The following EXOC4 variants were observed in gnomAD, a reference collection of about 807,000 sequenced individuals.
EXOC4 encodes the protein SEC8-like 1.
A neutral mutation model predicts 107.2 loss-of-function variants in EXOC4; 71 were observed. The observed-to-expected ratio is 0.66, with a 90% CI of 0.55 to 0.81. The LOEUF (loss-of-function observed/expected upper bound fraction) is 0.81. Ranked by LOEUF, EXOC4 falls within the 30% of genes least tolerant of loss-of-function variation. The pLI is 0.00. For synonymous variants in EXOC4, 456 were observed against 441.2 expected, an observed-to-expected ratio of 1.03 and a Z score of -0.42; for missense variants, 1,108 against 1,189.6, an observed-to-expected ratio of 0.93 and a Z score of 1.01.
intron 7 of EXOC4, among the ~76,000 whole-genome samples, chr7:133,434,975 G>C (rs1797936288): frequency 2.0e-5 from 3 of 152,314 alleles, no homozygotes; most frequent in Non-Finnish European, 4.4e-5. Context: ...CTAGGAATCT[G>C]ATTTTCAGTG....
Position 133,688,027 on chromosome 7 carries a change from C to T in EXOC4, c.1514+57886C>T, listed in dbSNP as rs188376198. On this transcript the variant is annotated intron_variant, in intron 10 of 17. Coordinates refer to ENST00000253861, the MANE Select transcript of EXOC4 (RefSeq NM_021807.4). ...ATTAGAGAACATCTATATTTGCCTT[C>T]AAGCTCCCTTAAAATAGTTTAGGGA... Among the ~76,000 whole-genome samples, 27 of 152,292 alleles carry T rather than the reference C, an allele frequency of 1.8e-4. No individual in the cohort carries two copies. The East Asian group carries it at 4.8e-3, about 27-fold the overall frequency.
chr7:133,433,795 G>A (rs935012303), intron 7 of EXOC4, among the ~76,000 whole-genome samples: 21 of 152,166 alleles, frequency 1.4e-4, no homozygotes, highest in African/African-American at 4.6e-4. Context: ...AGGATTGAAA[G>A]CTCACTTTAA....
At chr7:133,844,378 C>CTTTTTTTTTTTTTTTTTTTTTTTT (rs761535651) in intron 11 of EXOC4, among the ~76,000 whole-genome samples, 2 of 83,392 alleles carry the variant, frequency 2.4e-5, no homozygotes, top group African/African-American at 1.2e-4. Flanking sequence ...CCACATATTC[C>CTTTTTTTTTTTTTTTTTTTTTTTT]TTTTTTTTTT....
rs1189343287 is a variant in EXOC4 at position 133,938,158 on chromosome 7, C to T, written c.2206+89C>T. ...AAAGATGAGAGTGTACACTGGTCACCGTATGGGGGCGTGTCCCAAGCTGTC... is the reference window on the plus strand; with the variant it reads ...AAAGATGAGAGTGTACACTGGTCACTGTATGGGGGCGTGTCCCAAGCTGTC... On this transcript the variant is annotated intron_variant, in intron 14 of 17. Coordinates refer to ENST00000253861, the MANE Select transcript of EXOC4 (RefSeq NM_021807.4). The T allele has an allele frequency of 1.0e-5, 13 of 1,269,390 alleles. No homozygotes were observed. The Admixed American group carries it at 1.2e-4, about 12-fold the overall frequency. 78.6% of individuals were successfully genotyped at this position (1,269,390 alleles called of 1,614,324 possible). A position where few individuals can be genotyped will look rare whatever the true frequency, so the allele number is the denominator to read the frequency against.
At chr7:133,406,873 G>T (rs2150739753) in intron 7 of EXOC4, among the ~76,000 whole-genome samples, 1 of 152,302 alleles carries the variant, frequency 6.6e-6, no homozygotes, top group African/African-American at 2.4e-5. Context: ...GAGAGTGAGA[G>T]GGGACAGTCC....
chr7:133,673,230 T>C (rs548092067), intron 10 of EXOC4, among the ~76,000 whole-genome samples: 1 of 152,130 alleles, frequency 6.6e-6, no homozygotes, highest in African/African-American at 2.4e-5. Flanking sequence ...CTTAAAGGAG[T>C]ACTTAAAGGG....
chr7:133,917,225 A>C (rs1799829863), intron 12 of EXOC4, among the ~76,000 whole-genome samples: 1 of 152,212 alleles, frequency 6.6e-6, no homozygotes, highest in South Asian at 2.1e-4. Flanking sequence ...GTCACTTAAT[A>C]GCATTCTTTT....
At chr7:134,058,644 C>T (rs1430231781) in intron 17 of EXOC4, among the ~76,000 whole-genome samples, 2 of 142,060 alleles carry the variant, frequency 1.4e-5, no homozygotes, top group Non-Finnish European at 3.0e-5. Context: ...TGAATCACCA[C>T]AATACTGGCT....
rs988075781 is a variant in EXOC4 at position 133,311,401 on chromosome 7, G to C, written c.656+5340G>C. 4.6e-5 allele frequency among the ~76,000 whole-genome samples: 7 copies of C among 152,132 alleles called. 1 individual carries two copies. The highest frequency in any genetic ancestry group is 1.7e-4 in the African/African-American group (7 of 41,428). ...AATAGAGTTGAGAAATAGACCCCAG[G>C]ATCTATAGACTTTAGTATTTTGAAC... On this transcript the variant is annotated intron_variant, in intron 4 of 17. Transcript: ENST00000253861.
chr7:134,050,999 A>G (rs1795771912), intron 17 of EXOC4, among the ~76,000 whole-genome samples: 1 of 152,124 alleles, frequency 6.6e-6, no homozygotes, highest in Non-Finnish European at 1.5e-5. Context: ...AATATGAAAG[A>G]TGTTGCATTG....
At chr7:133,446,728 A>C (rs951396302) in intron 7 of EXOC4, among the ~76,000 whole-genome samples, 1 of 152,222 alleles carries the variant, frequency 6.6e-6, no homozygotes, top group Non-Finnish European at 1.5e-5. Context: ...CTCATAGGTA[A>C]TTTCAGAAGC....
chr7:133,830,958 GT>G (rs1259128644), intron 11 of EXOC4, among the ~76,000 whole-genome samples: 1 of 151,180 alleles, frequency 6.6e-6, no homozygotes, highest in Admixed American at 6.6e-5. Flanking sequence ...GACCTTGACA[GT>G]TTTTTTGTTT....
At chr7:134,012,354 T>C (rs1794789823) in intron 17 of EXOC4, among the ~76,000 whole-genome samples, 1 of 152,126 alleles carries the variant, frequency 6.6e-6, no homozygotes, top group Non-Finnish European at 1.5e-5. Context: ...GATGGTAGCA[T>C]TGGAGAGGAT....
intron 14 of EXOC4, among the ~76,000 whole-genome samples, chr7:133,975,743 GTGCA>G (rs1344390057): frequency 3.9e-5 from 3 of 77,546 alleles, no homozygotes; most frequent in South Asian, 5.3e-4. Flanking sequence ...TAAAATGCGT[GTGCA>G]CACACACACA....
chr7:134,069,825 A>G (rs536261547), downstream of EXOC4, among the ~76,000 whole-genome samples: 2 of 152,242 alleles, frequency 1.3e-5, no homozygotes, highest in South Asian at 2.1e-4. Context: ...GCCTTTATGA[A>G]TGGACTGAGG....
At chr7:133,338,151 A>T (rs1795563390) in intron 5 of EXOC4, among the ~76,000 whole-genome samples, 1 of 151,798 alleles carries the variant, frequency 6.6e-6, no homozygotes, top group African/African-American at 2.4e-5. Context: ...ACTCTTAAAA[A>T]ATTTCGAGCT....
chr7:133,256,832 G>A (rs1795030305), intron 1 of EXOC4, among the ~76,000 whole-genome samples: 1 of 152,128 alleles, frequency 6.6e-6, no homozygotes. Context: ...GTGTAGGCAT[G>A]GGGAATATCC....
chr7:134,027,142 T>C (rs559819768), intron 17 of EXOC4, among the ~76,000 whole-genome samples: 1 of 152,324 alleles, frequency 6.6e-6, no homozygotes, highest in South Asian at 2.1e-4. Flanking sequence ...TGTTGTCCTT[T>C]GTCACTTTAA....
intron 10 of EXOC4, among the ~76,000 whole-genome samples, chr7:133,638,673 A>G (rs1220225086): frequency 1.3e-5 from 2 of 151,956 alleles, no homozygotes; most frequent in Non-Finnish European, 2.9e-5. Context: ...CATGTCCAGT[A>G]ACTGGTACGT....
Sources: allele counts gnomAD v4.1 joint callset (sites outside exome capture counted in the v4.1 genomes callset), GRCh38; gene constraint gnomAD v4.1.1; transcripts MANE v1.5; gene names NCBI Gene and HGNC (gene_info 2026-07-23, HGNC 2026-07-21).